The following UBE2V2 variants were observed in gnomAD, a reference collection of about 807,000 sequenced individuals.
UBE2V2 encodes ubiquitin conjugating enzyme E2 V2.
Under a neutral mutation model 17.2 loss-of-function variants are expected in UBE2V2, and 9 were observed. That is an observed-to-expected ratio of 0.52 (90% CI 0.32 to 0.91). The LOEUF is 0.91. Ranked by LOEUF, UBE2V2 falls within the 40% of genes least tolerant of loss-of-function variation. The pLI, the probability that UBE2V2 is intolerant of heterozygous loss-of-function variation, is 0.04. For synonymous variants in UBE2V2, 61 were observed against 57.5 expected (o/e 1.06, Z -0.28); for missense variants, 133 against 182.6 (o/e 0.73, Z 1.56).
chr8:48,047,298 T>G (rs1210041278), intron 2 of UBE2V2, among the ~76,000 whole-genome samples: 1 of 152,154 alleles, frequency 6.6e-6, no homozygotes, highest in Non-Finnish European at 1.5e-5. Flanking sequence ...GATTAGCAGT[T>G]TTGTTTTTCT....
rs536336030 is a variant in UBE2V2, at chr8:48,021,169, C to T, written c.16+12699C>T. On this transcript the variant is annotated intron_variant, in intron 1 of 3. Coordinates refer to ENST00000523111, the MANE Select transcript of UBE2V2 (RefSeq NM_003350.3). ...CCCGGCTCACTGCAACCTCTGCCTC[C>T]TGGGTTCAAGCAATTCTCCTGTCTC... is the stretch of plus-strand genomic sequence containing the variant. Among the ~76,000 whole-genome samples the T allele has an allele frequency of 3.4e-3, 509 of 151,664 alleles. 2 individuals are homozygous for T. The highest frequency in any genetic ancestry group is 0.012 in the African/African-American group (490 of 41,360).
intron 1 of UBE2V2, 89 bp downstream of exon 1, chr8:48,008,559 G>A: frequency 6.7e-7 from 1 of 1,482,194 alleles, no homozygotes; most frequent in Non-Finnish European, 8.9e-7. Flanking sequence ...CTGACCGTGC[G>A]GGAGAAGCCC....
chr8:48,054,101 G>A (rs1282615058), intron 3 of UBE2V2, among the ~76,000 whole-genome samples: 2 of 152,276 alleles, frequency 1.3e-5, no homozygotes, highest in East Asian at 1.9e-4. Context: ...GAGCCACCAC[G>A]TCTGGCCAAG....
At chr8:48,028,421 C>T (rs1414473651) in intron 1 of UBE2V2, among the ~76,000 whole-genome samples, 1 of 151,724 alleles carries the variant, frequency 6.6e-6, no homozygotes, top group East Asian at 1.9e-4. Context: ...TCACTGCAAC[C>T]TCTGCCTCCT....
intron 1 of UBE2V2, among the ~76,000 whole-genome samples, chr8:48,031,259 G>GCCTTT (rs1351808367): frequency 3.3e-5 from 5 of 151,880 alleles, no homozygotes; most frequent in African/African-American, 1.2e-4. Context: ...AAACAACTTA[G>GCCTTT]CCTTTCCTTT....
intron 1 of UBE2V2, among the ~76,000 whole-genome samples, chr8:48,014,626 CAGAG>C (rs907718177): frequency 1.8e-5 from 2 of 109,688 alleles, no homozygotes; most frequent in Non-Finnish European, 3.5e-5. Context: ...GTCTGGGCAA[CAGAG>C]AGAGACTCTG....
At chr8:48,015,572 G>A (rs955879220) in intron 1 of UBE2V2, among the ~76,000 whole-genome samples, 5 of 152,058 alleles carry the variant, frequency 3.3e-5, no homozygotes, top group Non-Finnish European at 7.4e-5. Flanking sequence ...ATGCTATACA[G>A]TAGTGCTCTT....
the UBE2V2 span, among the ~76,000 whole-genome samples, chr8:47,998,885 AG>A: frequency 6.6e-6 from 1 of 152,060 alleles, no homozygotes; most frequent in Admixed American, 6.6e-5. Flanking sequence ...TTACAGAATG[AG>A]GGGTTTATAT....
At chr8:48,010,399 G>GTTTT (rs934421477) in intron 1 of UBE2V2, among the ~76,000 whole-genome samples, 1 of 123,008 alleles carries the variant, frequency 8.1e-6, no homozygotes, top group Non-Finnish European at 1.7e-5. Context: ...CCATCTACTA[G>GTTTT]TTTTTTTTTT....
chr8:48,012,274 A>G (rs1450144149), intron 1 of UBE2V2, among the ~76,000 whole-genome samples: 3 of 152,188 alleles, frequency 2.0e-5, no homozygotes, highest in Non-Finnish European at 4.4e-5. Flanking sequence ...TCCTTTTCCA[A>G]GAGACAGAGT....
At position 48,030,600 on chromosome 8, in the gene UBE2V2, G is replaced by A. The variant is rs544064562; in HGVS notation, c.17-12433G>A. Among the ~76,000 whole-genome samples the A allele has an allele frequency of 5.9e-5, 9 of 152,256 alleles. No individual in the cohort carries two copies. The East Asian group carries it at 1.7e-3, about 29-fold the overall frequency. ...GCTGGATGTAGTGGCATGCGCCAGT[G>A]GTGCCAGCTACTTGTGGGGCTGAGG... is the stretch of plus-strand genomic sequence containing the variant. On this transcript the variant is annotated intron_variant, in intron 1 of 3. Coordinates refer to ENST00000523111, the MANE Select transcript of UBE2V2 (RefSeq NM_003350.3).
At chr8:48,014,770 G>A (rs1056602822) in intron 1 of UBE2V2, among the ~76,000 whole-genome samples, 1 of 151,710 alleles carries the variant, frequency 6.6e-6, no homozygotes, top group African/African-American at 2.4e-5. Context: ...AAGCTTGTTG[G>A]CTGGGCGTGG....
chr8:48,051,181 T>G (rs998804481), intron 3 of UBE2V2, among the ~76,000 whole-genome samples: 12 of 152,178 alleles, frequency 7.9e-5, no homozygotes, highest in Non-Finnish European at 1.6e-4. Flanking sequence ...ATGCCCTGCT[T>G]GACCCACACA....
chr8:48,006,197 G>A (rs1317579315), upstream of UBE2V2, among the ~76,000 whole-genome samples: 3 of 152,260 alleles, frequency 2.0e-5, no homozygotes, highest in Middle Eastern at 3.4e-3. Flanking sequence ...TGTATAAGGT[G>A]TAAGGAAGGG....
chr8:48,035,674 CTTTTTT>C (rs11363680), intron 1 of UBE2V2, among the ~76,000 whole-genome samples: 1 of 26,960 alleles, frequency 3.7e-5, no homozygotes, highest in Non-Finnish European at 5.7e-5. Flanking sequence ...TGTATGTATG[CTTTTTT>C]TTTTTTTTTT....
chr8:48,008,661 CG>C, intron 1 of UBE2V2, 191 bp downstream of exon 1: 1 of 740,336 alleles, frequency 1.4e-6, no homozygotes, highest in Non-Finnish European at 1.8e-6. Context: ...GTCGGGTTGG[CG>C]GGTCGTGCTC....
intron 1 of UBE2V2, chr8:48,035,152 G>C: frequency 1.1e-6 from 1 of 947,036 alleles, no homozygotes; most frequent in Non-Finnish European, 1.2e-6. Flanking sequence ...GTCTCACTCT[G>C]TCGCCGAGGC....
intron 1 of UBE2V2, among the ~76,000 whole-genome samples, chr8:48,009,772 C>T (rs370591274): frequency 6.6e-6 from 1 of 152,152 alleles, no homozygotes; most frequent in East Asian, 1.9e-4. Context: ...TCTTTTACAT[C>T]TTTATTACAT....
chr8:48,062,956 CTG>C lies in UBE2V2; in HGVS notation c.*2130_*2131del, dbSNP rs1390744910. The C allele has an allele frequency of 1.4e-4, 22 of 152,274 alleles. No homozygotes were observed. Among genetic ancestry groups the C allele is most frequent in the Admixed American group, 1.2e-3 (18 of 15,288 alleles). The allele number at this position is 152,274 out of a possible 1,614,324, so 9.4% of individuals were successfully genotyped here. A position where few individuals can be genotyped will look rare whatever the true frequency, so the allele number is the denominator to read the frequency against. On this transcript the variant is annotated 3_prime_UTR_variant, in exon 4 of 4. Transcript: ENST00000523111. ...TGGTTAAAGATTAAATTGAATGAAACTGTAGTCTAATGGTAACTGATGATCTG... is the reference window on the plus strand; with the variant it reads ...TGGTTAAAGATTAAATTGAATGAAACTAGTCTAATGGTAACTGATGATCTG...
Sources: allele counts gnomAD v4.1 joint callset (sites outside exome capture counted in the v4.1 genomes callset), GRCh38; gene constraint gnomAD v4.1.1; transcripts MANE v1.5; gene names NCBI Gene and HGNC (gene_info 2026-07-23, HGNC 2026-07-21).